The following CLEC16A variants were observed in gnomAD, a reference collection of about 807,000 sequenced individuals.
CLEC16A encodes protein CLEC16A.
Under a neutral mutation model 109.5 loss-of-function variants are expected in CLEC16A, and 51 were observed. That is an observed-to-expected ratio of 0.47 (90% CI 0.37 to 0.59). CLEC16A has a LOEUF of 0.59. CLEC16A is among the 20% of genes least tolerant of loss of function. The pLI, the probability that CLEC16A is intolerant of heterozygous loss-of-function variation, is 0.00. For missense variants in CLEC16A, 1,339 were observed against 1,394.0 expected (o/e 0.96, Z 0.63); for synonymous variants, 673 against 564.2 (o/e 1.19, Z -2.73).
intron 1 of CLEC16A, among the ~76,000 whole-genome samples, chr16:10,957,123 A>C (rs1320384790): frequency 6.6e-6 from 1 of 152,178 alleles, no homozygotes; most frequent in African/African-American, 2.4e-5. Flanking sequence ...TGAATTTAAC[A>C]ATCTGTTCTC....
At chr16:11,020,160 T>C in intron 11 of CLEC16A, 33 bp from the exon 12 acceptor site, 1 of 1,593,018 alleles carries the variant, frequency 6.3e-7, no homozygotes, top group Non-Finnish European at 8.6e-7. Flanking sequence ...AAAAGCTGTC[T>C]GGACTCATCC....
chr16:10,999,323 G>A (rs910510191), intron 10 of CLEC16A, among the ~76,000 whole-genome samples: 10 of 152,314 alleles, frequency 6.6e-5, no homozygotes, highest in Middle Eastern at 3.4e-3. Context: ...TTGTGTGGGT[G>A]TGTACACAGT....
intron 11 of CLEC16A, among the ~76,000 whole-genome samples, chr16:11,008,142 C>T (rs1282398962): frequency 6.6e-6 from 1 of 152,200 alleles, no homozygotes; most frequent in African/African-American, 2.4e-5. Flanking sequence ...CAATTACATG[C>T]AGGCTGTCCC....
At chr16:10,993,250 G>A (rs116321535) in intron 10 of CLEC16A, among the ~76,000 whole-genome samples, 3 of 152,208 alleles carry the variant, frequency 2.0e-5, no homozygotes, top group African/African-American at 4.8e-5. Flanking sequence ...GTGATGATGC[G>A]TACCTGTGAT....
At chr16:11,106,986 A>G (rs2051262926) in intron 19 of CLEC16A, among the ~76,000 whole-genome samples, 2 of 152,106 alleles carry the variant, frequency 1.3e-5, no homozygotes, top group African/African-American at 4.8e-5. Flanking sequence ...TGGAGCTGGA[A>G]TGTGTTAGGA....
intron 8 of CLEC16A, 88 bp from the exon 9 acceptor site, chr16:10,979,241 C>A: frequency 8.0e-7 from 1 of 1,247,188 alleles, no homozygotes; most frequent in South Asian, 1.3e-5. Flanking sequence ...CGCCTTTGTT[C>A]ACACAGAAGG....
At chr16:11,017,376 G>A (rs545859055) in intron 11 of CLEC16A, among the ~76,000 whole-genome samples, 3 of 152,282 alleles carry the variant, frequency 2.0e-5, no homozygotes, top group African/African-American at 7.2e-5. Context: ...CAGAACAATA[G>A]AGAATGTAAG....
At chr16:11,166,322 C>G in intron 22 of CLEC16A, 66 bp from the exon 23 acceptor site, 2 of 1,497,774 alleles carry the variant, frequency 1.3e-6, no homozygotes, top group Non-Finnish European at 1.8e-6. Context: ...TCAGTGGAAC[C>G]ATGACATTGA....
chr16:11,102,775 CAGAG>C (rs1211870818), intron 19 of CLEC16A, among the ~76,000 whole-genome samples: 5 of 152,336 alleles, frequency 3.3e-5, no homozygotes, highest in Middle Eastern at 3.4e-3. Flanking sequence ...GGGTGGAACT[CAGAG>C]AGCTGCTGTT....
chr16:11,092,361 AACACACACACACACAC>A lies in CLEC16A; in HGVS notation c.2117-28228_2117-28213del, dbSNP rs3030566. On this transcript the variant is annotated intron_variant, in intron 19 of 23. Coordinates refer to ENST00000409790, the MANE Select transcript of CLEC16A (RefSeq NM_015226.3). ...CTGTCTCAAAAAACAAACAAAAACA[AACACACACACACACAC>A]ACACACACACACACACACACACACA... 3.8e-4 allele frequency among the ~76,000 whole-genome samples: 51 copies of A among 132,544 alleles called. 1 individual carries two copies. The highest frequency in any genetic ancestry group is 7.4e-3 in the Middle Eastern group (2 of 270). 87.0% of individuals were successfully genotyped at this position (132,544 alleles called of 152,430 possible).
At chr16:11,103,463 C>A (rs148679425) in intron 19 of CLEC16A, among the ~76,000 whole-genome samples, 1 of 152,182 alleles carries the variant, frequency 6.6e-6, no homozygotes, top group African/African-American at 2.4e-5. Flanking sequence ...GCCTGTTGTC[C>A]TAGCTACTCA....
At position 11,174,334 on chromosome 16, in the gene CLEC16A, CCA is replaced by C; in HGVS notation, c.2807-3998_2807-3997del. The C allele has an allele frequency of 2.4e-6, 1 of 421,720 alleles. No individual in the cohort carries two copies. The highest frequency in any genetic ancestry group is 2.4e-5 in the Admixed American group (1 of 41,156). 26.1% of individuals were successfully genotyped at this position (421,720 alleles called of 1,614,324 possible). A position where few individuals can be genotyped will look rare whatever the true frequency, so the allele number is the denominator to read the frequency against. ...GACGTCCACTCGCCACGCTGCATTTCCACAGTCGGCAGGGTCCGCGCTGGCAA... is the reference window on the plus strand; with the variant it reads ...GACGTCCACTCGCCACGCTGCATTTCCAGTCGGCAGGGTCCGCGCTGGCAA... On this transcript the variant is annotated intron_variant, in intron 23 of 23. Transcript: ENST00000409790. The surrounding 1 kb of genome is among the most constrained non-coding windows in gnomAD (Gnocchi z 4.7).
intron 11 of CLEC16A, among the ~76,000 whole-genome samples, chr16:11,014,749 A>G (rs1048363360): frequency 2.0e-5 from 3 of 152,182 alleles, no homozygotes; most frequent in African/African-American, 7.2e-5. Context: ...CACATAGCCT[A>G]CTGAGCTGCT....
chr16:11,126,252 C>A (rs2052810063), intron 22 of CLEC16A, 106 bp downstream of exon 22: 2 of 1,564,898 alleles, frequency 1.3e-6, no homozygotes, highest in Non-Finnish European at 1.7e-6. Flanking sequence ...TCTCAGAAGC[C>A]CCGTCGGCTG....
chr16:11,155,437 C>T (rs1227130900), intron 22 of CLEC16A, among the ~76,000 whole-genome samples: 2 of 152,224 alleles, frequency 1.3e-5, no homozygotes, highest in Non-Finnish European at 2.9e-5. Context: ...AGTTGCTGCT[C>T]TTCAGGTTTC....
intron 10 of CLEC16A, among the ~76,000 whole-genome samples, chr16:10,990,431 G>A (rs907680751): frequency 1.3e-5 from 2 of 152,242 alleles, no homozygotes; most frequent in Admixed American, 1.3e-4. Flanking sequence ...CTGGACAACT[G>A]AGGAGGGTCT....
chr16:11,028,587 G>A (rs536383529), intron 13 of CLEC16A, among the ~76,000 whole-genome samples: 14 of 148,812 alleles, frequency 9.4e-5, no homozygotes, highest in African/African-American at 3.0e-4. Flanking sequence ...TTTAATCATC[G>A]TAGGAAGCTT....
intron 19 of CLEC16A, among the ~76,000 whole-genome samples, chr16:11,099,945 C>G (rs989870714): frequency 7.9e-5 from 12 of 152,234 alleles, no homozygotes; most frequent in South Asian, 2.1e-4. Flanking sequence ...GATTGTGATT[C>G]TTACCTATCT....
chr16:11,005,052 A>G (rs1392707889), intron 11 of CLEC16A, among the ~76,000 whole-genome samples: 1 of 152,176 alleles, frequency 6.6e-6, no homozygotes, highest in African/African-American at 2.4e-5. Context: ...TCTTCACCTC[A>G]TTTTGTGCAT....
Sources: allele counts gnomAD v4.1 joint callset (sites outside exome capture counted in the v4.1 genomes callset), GRCh38; gene constraint gnomAD v4.1.1; non-coding constraint Gnocchi (gnomAD v3.1); transcripts MANE v1.5; gene names NCBI Gene and HGNC (gene_info 2026-07-23, HGNC 2026-07-21).